GRID2: variants seen among roughly 807,000 people sequenced by gnomAD.
The protein encoded by GRID2 is glutamate ionotropic receptor delta type subunit 2, also known as glutamate receptor ionotropic, delta-2.
In GRID2, 33 loss-of-function variants were observed where a neutral mutation model predicts 114.8. The observed-to-expected ratio is 0.29, with a 90% CI of 0.22 to 0.38. GRID2 has a LOEUF of 0.38. GRID2 is among the 10% of genes least tolerant of loss of function. The probability of loss-of-function intolerance (pLI) is 1.00; values close to 1 mark genes in which losing one functional copy is unlikely to be tolerated. For synonymous variants in GRID2, 505 were observed against 449.9 expected, an observed-to-expected ratio of 1.12 and a Z score of -1.55; for missense variants, 1,184 against 1,257.7, an observed-to-expected ratio of 0.94 and a Z score of 0.89.
intron 8 of GRID2, among the ~76,000 whole-genome samples, chr4:93,317,483 A>G (rs1756780768): frequency 6.6e-6 from 1 of 152,154 alleles, no homozygotes; most frequent in South Asian, 2.1e-4. Context: ...GACAGCTTAT[A>G]GAAGAGAACG....
intron 10 of GRID2, among the ~76,000 whole-genome samples, chr4:93,452,325 A>C (rs530855565): frequency 6.6e-6 from 1 of 152,004 alleles, no homozygotes; most frequent in South Asian, 2.1e-4. Flanking sequence ...TTTTTCCATG[A>C]GGAATAGGGT....
intron 2 of GRID2, among the ~76,000 whole-genome samples, chr4:92,683,405 G>A (rs1042913442): frequency 6.6e-6 from 1 of 152,032 alleles, no homozygotes; most frequent in African/African-American, 2.4e-5. Flanking sequence ...CTAGACAGAA[G>A]TGCACAATCT....
chr4:92,458,913 C>G (rs1286135826), intron 1 of GRID2, among the ~76,000 whole-genome samples: 1 of 152,174 alleles, frequency 6.6e-6, no homozygotes, highest in African/African-American at 2.4e-5. Context: ...AGACTTCATT[C>G]TTCCATGCTC....
intron 2 of GRID2, among the ~76,000 whole-genome samples, chr4:92,644,083 A>T (rs1340780218): frequency 6.6e-6 from 1 of 151,790 alleles, no homozygotes; most frequent in Non-Finnish European, 1.5e-5. Flanking sequence ...ATGATTAAAA[A>T]ATAACAGATT....
At chr4:92,323,067 G>T (rs1458698323) in intron 1 of GRID2, among the ~76,000 whole-genome samples, 1 of 151,924 alleles carries the variant, frequency 6.6e-6, no homozygotes, top group Non-Finnish European at 1.5e-5. Flanking sequence ...AACCTCAAAT[G>T]CTTTTACAAG....
chr4:93,088,320 C>A, intron 3 of GRID2, among the ~76,000 whole-genome samples: 1 of 152,130 alleles, frequency 6.6e-6, no homozygotes, highest in Non-Finnish European at 1.5e-5. Flanking sequence ...AAGTGTTCAG[C>A]TTTTAAAAAT....
chr4:93,749,352 G>A (rs1017140173), intron 14 of GRID2, among the ~76,000 whole-genome samples: 9 of 152,138 alleles, frequency 5.9e-5, no homozygotes, highest in African/African-American at 1.9e-4. Context: ...ACAAAATAAG[G>A]CATTGATGAG....
intron 2 of GRID2, among the ~76,000 whole-genome samples, chr4:92,676,043 C>T (rs139391403): frequency 1.2e-4 from 18 of 151,470 alleles, no homozygotes; most frequent in Non-Finnish European, 2.5e-4. Flanking sequence ...GGAAGAGGGG[C>T]GAGTTCGATA....
intron 8 of GRID2, among the ~76,000 whole-genome samples, chr4:93,340,813 A>G (rs1407843605): frequency 6.6e-6 from 1 of 152,160 alleles, no homozygotes; most frequent in Non-Finnish European, 1.5e-5. Flanking sequence ...GGAAAATTGA[A>G]TGGTAAATAC....
chr4:92,481,680 C>G (rs1722595654), intron 1 of GRID2, among the ~76,000 whole-genome samples: 1 of 151,842 alleles, frequency 6.6e-6, no homozygotes, highest in South Asian at 2.1e-4. Context: ...ATTGCTTTGG[C>G]TATTCAGGCT....
chr4:92,318,036 G>C (rs1726090336), intron 1 of GRID2, among the ~76,000 whole-genome samples: 1 of 151,954 alleles, frequency 6.6e-6, no homozygotes, highest in African/African-American at 2.4e-5. Flanking sequence ...TGAGTCTTGA[G>C]CATCTACATT....
In GRID2 at chr4:92,740,735, GATA is replaced by G. The variant is rs1560565591; in HGVS notation, c.244+150450_244+150452del. On this transcript the variant is annotated intron_variant, in intron 2 of 15. Coordinates refer to ENST00000282020, the MANE Select transcript of GRID2 (RefSeq NM_001510.4). ...AGATAGATAGATAGATAGATAGATA[GATA>G]GATGGATAGATAGATAGACAGATAG... Among the ~76,000 whole-genome samples, 289 of 145,604 alleles carry G rather than the reference GATA, an allele frequency of 2.0e-3. 3 individuals are homozygous for G. The highest frequency in any genetic ancestry group is 7.4e-3 in the African/African-American group (271 of 36,632).
chr4:93,454,619 C>T (rs1295387801), intron 10 of GRID2, among the ~76,000 whole-genome samples: 1 of 152,018 alleles, frequency 6.6e-6, no homozygotes, highest in African/African-American at 2.4e-5. Context: ...TTTTTAAAAG[C>T]ATTATTAGTT....
chr4:92,875,971 C>T (rs907887768), intron 2 of GRID2, among the ~76,000 whole-genome samples: 19 of 152,112 alleles, frequency 1.2e-4, no homozygotes, highest in African/African-American at 2.2e-4. Context: ...TAGCAGAGAG[C>T]GCCTTTACTG....
At chr4:92,867,330 A>T (rs1744942186) in intron 2 of GRID2, among the ~76,000 whole-genome samples, 1 of 152,182 alleles carries the variant, frequency 6.6e-6, no homozygotes, top group Non-Finnish European at 1.5e-5. Flanking sequence ...AATTAAGGAA[A>T]CCCTTTATTC....
intron 2 of GRID2, among the ~76,000 whole-genome samples, chr4:92,953,006 C>A (rs1752141259): frequency 6.6e-6 from 1 of 152,118 alleles, no homozygotes; most frequent in African/African-American, 2.4e-5. Flanking sequence ...TTACTTTCAG[C>A]TACATTACTC....
intron 2 of GRID2, among the ~76,000 whole-genome samples, chr4:92,896,557 T>C (rs1302893966): frequency 7.1e-6 from 1 of 140,892 alleles, no homozygotes; most frequent in Non-Finnish European, 1.6e-5. Flanking sequence ...TTTATAATAT[T>C]ATATATATAT....
At chr4:93,172,429 A>G (rs1738923568) in intron 4 of GRID2, among the ~76,000 whole-genome samples, 1 of 151,972 alleles carries the variant, frequency 6.6e-6, no homozygotes, top group African/African-American at 2.4e-5. Context: ...CGTGTCTACT[A>G]AAGTTACAAA....
intron 14 of GRID2, among the ~76,000 whole-genome samples, chr4:93,694,362 C>A: frequency 6.6e-6 from 1 of 152,142 alleles, no homozygotes; most frequent in East Asian, 1.9e-4. Flanking sequence ...TTTAGCCTTA[C>A]TGTTTCCATT....
Sources: allele counts gnomAD v4.1 joint callset (sites outside exome capture counted in the v4.1 genomes callset), GRCh38; gene constraint gnomAD v4.1.1; transcripts MANE v1.5; gene names NCBI Gene and HGNC (gene_info 2026-07-23, HGNC 2026-07-21).